The following JAKMIP2 variants were observed in gnomAD, a reference collection of about 807,000 sequenced individuals.
The protein encoded by JAKMIP2 is janus kinase and microtubule-interacting protein 2.
A neutral mutation model predicts 115.0 loss-of-function variants in JAKMIP2; 25 were observed. The ratio of observed to expected loss-of-function variants is 0.22; its 90% confidence interval spans 0.16 to 0.30. JAKMIP2 has a LOEUF of 0.30. JAKMIP2 is among the 10% of genes least tolerant of loss of function. JAKMIP2 has a pLI of 1.00. For synonymous variants in JAKMIP2, 334 were observed against 343.6 expected, an observed-to-expected ratio of 0.97 and a Z score of 0.31; for missense variants, 642 against 957.6, an observed-to-expected ratio of 0.67 and a Z score of 4.35.
intron 1 of JAKMIP2, among the ~76,000 whole-genome samples, chr5:147,722,617 G>A (rs1753358104): frequency 6.6e-6 from 1 of 152,112 alleles, no homozygotes; most frequent in Non-Finnish European, 1.5e-5. Context: ...TGTAGCTAAC[G>A]AAAGAGTTGC....
rs569703876 is a variant in JAKMIP2, at chr5:147,708,472, C to T, written c.-148-36518G>A. On this transcript the variant is annotated intron_variant, in intron 1 of 21. Coordinates refer to ENST00000616793, the MANE Select transcript of JAKMIP2 (RefSeq NM_001270941.2). ...CACTGACTTAATTAACAGCTAGTCA[C>T]GTAGAAGGAGAAACAGGTTGGAATT... Among the ~76,000 whole-genome samples, 159 of 152,162 alleles carry T rather than the reference C, an allele frequency of 1.0e-3. 1 individual carries two copies. Among genetic ancestry groups the T allele is most frequent in the African/African-American group, 3.5e-3 (146 of 41,510 alleles).
chr5:147,666,432 C>T (rs984505810), intron 2 of JAKMIP2, among the ~76,000 whole-genome samples: 5 of 151,954 alleles, frequency 3.3e-5, no homozygotes, highest in Non-Finnish European at 7.4e-5. Context: ...AGATGTTTTA[C>T]GGAGAAAAAT....
chr5:147,632,984 A>T (rs1757435660), intron 12 of JAKMIP2, among the ~76,000 whole-genome samples: 1 of 152,184 alleles, frequency 6.6e-6, no homozygotes, highest in African/African-American at 2.4e-5. Flanking sequence ...ACAGAGAAAA[A>T]TGCCAGAAGA....
intron 1 of JAKMIP2, among the ~76,000 whole-genome samples, chr5:147,690,542 TATA>T (rs1751786701): frequency 4.6e-3 from 8 of 1,750 alleles, no homozygotes; most frequent in Admixed American, 0.023. Context: ...AAAGAGATTA[TATA>T]TATATATATA....
chr5:147,664,472 C>T (rs564622464), intron 2 of JAKMIP2, among the ~76,000 whole-genome samples: 49 of 152,236 alleles, frequency 3.2e-4, no homozygotes, highest in Admixed American at 2.8e-3. Flanking sequence ...TCTGCACATG[C>T]CTGCATCTCG....
At position 147,782,555 on chromosome 5, in the gene JAKMIP2, A is replaced by T. The variant is rs1052878031; in HGVS notation, c.-248T>A. The T allele has an allele frequency of 6.0e-6, 8 of 1,322,666 alleles. No individual in the cohort carries two copies. The highest frequency in any genetic ancestry group is 1.5e-5 in the African/African-American group (1 of 68,150). 81.9% of individuals were successfully genotyped at this position (1,322,666 alleles called of 1,614,324 possible). A position where few individuals can be genotyped will look rare whatever the true frequency, so the allele number is the denominator to read the frequency against. On this transcript the variant is annotated 5_prime_UTR_variant, in exon 1 of 22. Coordinates refer to ENST00000616793, the MANE Select transcript of JAKMIP2 (RefSeq NM_001270941.2). The stretch of plus-strand genomic sequence containing the variant: ...GGATGCAGCCTCCGAACCCAACATC[A>T]GCAGTGGCTGCCGGTTTTTTTTTTC...
chr5:147,746,642 CATCA>C (rs1030560800), intron 1 of JAKMIP2, among the ~76,000 whole-genome samples: 21 of 152,042 alleles, frequency 1.4e-4, no homozygotes, highest in African/African-American at 4.8e-4. Flanking sequence ...CTCACCAAAA[CATCA>C]ATCAATTATA....
At chr5:147,672,812 G>A (rs979928144) in intron 1 of JAKMIP2, among the ~76,000 whole-genome samples, 6 of 152,258 alleles carry the variant, frequency 3.9e-5, no homozygotes, top group Non-Finnish European at 7.4e-5. Flanking sequence ...AGCAGGTGCC[G>A]AGACACAACA....
intron 2 of JAKMIP2, 21 bp from the exon 3 acceptor site, chr5:147,661,466 T>A (rs557121642): frequency 6.3e-7 from 1 of 1,595,540 alleles, no homozygotes; most frequent in Admixed American, 1.7e-5. Context: ...AGAGGCGAAA[T>A]GATGAAGAGA....
chr5:147,624,845 A>C (rs1757020647), intron 16 of JAKMIP2, among the ~76,000 whole-genome samples: 1 of 152,160 alleles, frequency 6.6e-6, no homozygotes, highest in South Asian at 2.1e-4. Context: ...GATTTCTCTA[A>C]GTCTCAAGTT....
intron 21 of JAKMIP2, among the ~76,000 whole-genome samples, chr5:147,592,400 GT>G (rs1755142637): frequency 1.3e-5 from 2 of 152,168 alleles, no homozygotes; most frequent in South Asian, 4.1e-4. Context: ...AGGTTTCTTG[GT>G]TGGCCCAGAG....
chr5:147,726,762 C>T (rs10042877), intron 1 of JAKMIP2, among the ~76,000 whole-genome samples: 3,031 of 152,260 alleles, frequency 0.02, 117 homozygotes, highest in African/African-American at 0.068. Context: ...ATGAAGTTTC[C>T]TTCTCGTCTT....
At chr5:147,768,402 T>C (rs1755227586) in intron 1 of JAKMIP2, among the ~76,000 whole-genome samples, 1 of 152,196 alleles carries the variant, frequency 6.6e-6, no homozygotes, top group African/African-American at 2.4e-5. Flanking sequence ...TTCTTCATTG[T>C]ATTACAATCA....
At chr5:147,639,963 A>C (rs1434046712) in intron 9 of JAKMIP2, among the ~76,000 whole-genome samples, 2 of 152,218 alleles carry the variant, frequency 1.3e-5, no homozygotes, top group African/African-American at 4.8e-5. Flanking sequence ...AAATACATAA[A>C]TATTTATTTT....
chr5:147,666,974 A>G (rs919656793), intron 2 of JAKMIP2, among the ~76,000 whole-genome samples: 4 of 152,186 alleles, frequency 2.6e-5, no homozygotes, highest in African/African-American at 9.6e-5. Context: ...AACAACATAA[A>G]TATAAAAGTA....
At chr5:147,685,060 T>C (rs895774021) in intron 1 of JAKMIP2, among the ~76,000 whole-genome samples, 6 of 152,218 alleles carry the variant, frequency 3.9e-5, no homozygotes, top group Admixed American at 3.9e-4. Flanking sequence ...GATTATGAGA[T>C]ACATGGAGTT....
intron 1 of JAKMIP2, among the ~76,000 whole-genome samples, chr5:147,715,616 A>C (rs1752947804): frequency 6.6e-6 from 1 of 151,716 alleles, no homozygotes; most frequent in Non-Finnish European, 1.5e-5. Context: ...AAGACATGCC[A>C]ATTCTAAATT....
intron 1 of JAKMIP2, among the ~76,000 whole-genome samples, chr5:147,708,659 C>T (rs1435658327): frequency 2.0e-5 from 3 of 152,134 alleles, no homozygotes; most frequent in South Asian, 4.2e-4. Flanking sequence ...TTCCTGAAAT[C>T]GAGATGCTTT....
chr5:147,648,424 T>C lies in JAKMIP2; in HGVS notation c.888A>G (p.Arg296=). The change falls in exon 5 of 22, where the codon AGA becomes AGG. Residue 296 remains arginine, a synonymous_variant. Coordinates refer to ENST00000616793, the MANE Select transcript of JAKMIP2 (RefSeq NM_001270941.2). ...KRIAELNATI[R]KLEDRNTLLG... is the part of the protein sequence containing the mutation. ...GCAAGGTATTCCTGTCTTCTAATTTTCTTATAGTGGCATTCAATTCAGCTA... is the reference window on the plus strand; with the variant it reads ...GCAAGGTATTCCTGTCTTCTAATTTCCTTATAGTGGCATTCAATTCAGCTA... 1.2e-6 allele frequency: 2 copies of C among 1,610,980 alleles called. No individual in the cohort carries two copies. The highest frequency in any genetic ancestry group is 2.2e-5 in the East Asian group (1 of 44,798).
Sources: gnomAD v4.1 joint callset for allele counts (sites outside exome capture counted in the v4.1 genomes callset) on GRCh38, gnomAD v4.1.1 for gene constraint, MANE v1.5 for transcripts, NCBI Gene and HGNC (gene_info 2026-07-23, HGNC 2026-07-21) for gene names.